ZBTB46: variants seen among roughly 807,000 people sequenced by gnomAD.
ZBTB46 encodes zinc finger and BTB domain containing 46.
A neutral mutation model predicts 44.1 loss-of-function variants in ZBTB46; 8 were observed. The observed-to-expected ratio is 0.18, with a 90% CI of 0.11 to 0.33. ZBTB46 has a LOEUF of 0.33. Among genes scored for constraint, ZBTB46 ranks in the 10% least tolerant of loss-of-function variants. The probability of loss-of-function intolerance (pLI) is 1.00; values close to 1 mark genes in which losing one functional copy is unlikely to be tolerated. For missense variants in ZBTB46, 651 were observed against 847.7 expected, an observed-to-expected ratio of 0.77 and a Z score of 2.88; for synonymous variants, 409 against 382.3, an observed-to-expected ratio of 1.07 and a Z score of -0.81.
intron 1 of ZBTB46, among the ~76,000 whole-genome samples, chr20:63,817,086 CAA>C (rs937324948): frequency 6.7e-6 from 1 of 150,268 alleles, no homozygotes; most frequent in Non-Finnish European, 1.5e-5. Context: ...GCCTGGGCAA[CAA>C]GAGCGAAACT....
chr20:63,808,650 G>A (rs1464095804), intron 1 of ZBTB46, among the ~76,000 whole-genome samples: 2 of 152,144 alleles, frequency 1.3e-5, no homozygotes, highest in South Asian at 2.1e-4. Context: ...TCGGTCCAGC[G>A]CTCGGCCAGG....
At chr20:63,795,103 GACGCCGCCTCTGCTGTCTCCTCCAA>G (rs1348811451) in intron 1 of ZBTB46, among the ~76,000 whole-genome samples, 1 of 152,218 alleles carries the variant, frequency 6.6e-6, no homozygotes, top group African/African-American at 2.4e-5. Flanking sequence ...CCCTCAGAGG[GACGCCGCCTCTGCTGTCTCCTCCAA>G]ACACCGCCTC....
chr20:63,832,295 G>C (rs1032530296), upstream of ZBTB46, among the ~76,000 whole-genome samples: 1 of 152,130 alleles, frequency 6.6e-6, no homozygotes, highest in Non-Finnish European at 1.5e-5. This position sits in a 1 kb window ranked among gnomAD's most constrained non-coding sequence, Gnocchi z 5.0. Context: ...CTGCGCAGGG[G>C]TAAAGGCCAC....
chr20:63,756,187 C>T (rs1160260378), intron 3 of ZBTB46, among the ~76,000 whole-genome samples: 2 of 152,354 alleles, frequency 1.3e-5, no homozygotes, highest in East Asian at 1.9e-4. Flanking sequence ...TCCCAGTGCG[C>T]TTTCCGCTCC....
At chr20:63,814,335 C>T (rs6010669) in intron 1 of ZBTB46, among the ~76,000 whole-genome samples, 27,216 of 151,952 alleles carry the variant, frequency 0.18, 2,962 homozygotes, top group East Asian at 0.45. Context: ...TGGGGGTTCC[C>T]GCAGCCAGGC....
At chr20:63,753,180 C>T (rs906358069) in intron 3 of ZBTB46, among the ~76,000 whole-genome samples, 3 of 152,332 alleles carry the variant, frequency 2.0e-5, no homozygotes, top group South Asian at 4.1e-4. Flanking sequence ...ACACAGTGCC[C>T]GGTCCCTGCA....
chr20:63,828,820 G>C (rs1391876594), intron 1 of ZBTB46, among the ~76,000 whole-genome samples: 1 of 152,244 alleles, frequency 6.6e-6, no homozygotes, highest in African/African-American at 2.4e-5. Context: ...TCAGGCTGTG[G>C]AGCCGTCTAG....
intron 4 of ZBTB46, among the ~76,000 whole-genome samples, chr20:63,751,006 G>A (rs1293929501): frequency 6.6e-6 from 1 of 152,156 alleles, no homozygotes; most frequent in Admixed American, 6.5e-5. Context: ...AGGTTAATAC[G>A]GATTTGCTGA....
At chr20:63,748,890 C>T (rs1440227316) in intron 4 of ZBTB46, among the ~76,000 whole-genome samples, 2 of 152,242 alleles carry the variant, frequency 1.3e-5, no homozygotes, top group African/African-American at 4.8e-5. Context: ...TGGCGGAAGA[C>T]GGTCCTGCTA....
chr20:63,753,184 C>T (rs1487282813), intron 3 of ZBTB46, among the ~76,000 whole-genome samples: 1 of 152,214 alleles, frequency 6.6e-6, no homozygotes, highest in East Asian at 1.9e-4. Flanking sequence ...AGTGCCCGGT[C>T]CCTGCAGGAC....
chr20:63,764,439 A>C (rs984788902), intron 3 of ZBTB46, among the ~76,000 whole-genome samples: 1 of 152,054 alleles, frequency 6.6e-6, no homozygotes, highest in Non-Finnish European at 1.5e-5. Flanking sequence ...CTGTCTCAAA[A>C]AAAAAAAAAA....
At chr20:63,770,265 G>A (rs893713094) in intron 3 of ZBTB46, among the ~76,000 whole-genome samples, 7 of 152,162 alleles carry the variant, frequency 4.6e-5, no homozygotes, top group South Asian at 2.1e-4. Flanking sequence ...GGAGATCAGC[G>A]CCAGCCCAGC....
At chr20:63,776,828 A>C (rs1207725089) in intron 2 of ZBTB46, among the ~76,000 whole-genome samples, 1 of 151,810 alleles carries the variant, frequency 6.6e-6, no homozygotes, top group African/African-American at 2.4e-5. Flanking sequence ...ATTGCAACCT[A>C]TATATCTGAT....
intron 3 of ZBTB46, among the ~76,000 whole-genome samples, chr20:63,762,344 T>C (rs2092284266): frequency 6.6e-6 from 1 of 151,776 alleles, no homozygotes; most frequent in Non-Finnish European, 1.5e-5. Context: ...TGCCAGCTTT[T>C]ACCTCATGTA....
intron 3 of ZBTB46, among the ~76,000 whole-genome samples, chr20:63,754,631 A>G (rs1279942295): frequency 2.1e-5 from 3 of 143,404 alleles, no homozygotes; most frequent in Non-Finnish European, 4.5e-5. Context: ...ACGGAGTCTC[A>G]CTCTGTCACC....
At chr20:63,785,508 C>T (rs1452479376) in intron 2 of ZBTB46, among the ~76,000 whole-genome samples, 5 of 151,660 alleles carry the variant, frequency 3.3e-5, no homozygotes, top group Admixed American at 2.0e-4. Flanking sequence ...TGCAGTGAGT[C>T]GAGATCACAC....
At chr20:63,747,324 G>T in intron 4 of ZBTB46, 23 bp from the exon 5 acceptor site, 1 of 1,417,356 alleles carries the variant, frequency 7.1e-7, no homozygotes, top group South Asian at 1.5e-5. Context: ...GGCAGGGGGT[G>T]AGCAGGGCCT....
chr20:63,783,955 C>T (rs955246761), intron 2 of ZBTB46, among the ~76,000 whole-genome samples: 5 of 152,198 alleles, frequency 3.3e-5, no homozygotes, highest in African/African-American at 7.2e-5. Flanking sequence ...CCTCACATTC[C>T]GTCGGGCACC....
chr20:63,823,394 A>T (rs932377678), intron 1 of ZBTB46, among the ~76,000 whole-genome samples: 4 of 151,924 alleles, frequency 2.6e-5, no homozygotes, highest in Admixed American at 6.6e-5. Context: ...GCTACTCAGG[A>T]GACTGAGGCA....
Sources: gnomAD v4.1 joint callset for allele counts (sites outside exome capture counted in the v4.1 genomes callset) on GRCh38, gnomAD v4.1.1 for gene constraint, Gnocchi (gnomAD v3.1) non-coding constraint, MANE v1.5 for transcripts, NCBI Gene and HGNC (gene_info 2026-07-23, HGNC 2026-07-21) for gene names.